Variants in XKR6 observed in about 807,000 individuals in gnomAD.
XKR6 encodes XK-related protein 6.
Under a neutral mutation model 56.7 loss-of-function variants are expected in XKR6, and 22 were observed. That is an observed-to-expected ratio of 0.39 (90% CI 0.28 to 0.55). The LOEUF is 0.55. Among genes scored for constraint, XKR6 ranks in the 20% least tolerant of loss-of-function variants. The pLI, the probability that XKR6 is intolerant of heterozygous loss-of-function variation, is 0.66. For synonymous variants in XKR6, 524 were observed against 387.8 expected (o/e 1.35, Z -4.13); for missense variants, 852 against 889.0 (o/e 0.96, Z 0.53).
chr8:11,020,964 G>A (rs1484255763), intron 1 of XKR6, among the ~76,000 whole-genome samples: 1 of 152,220 alleles, frequency 6.6e-6, no homozygotes, highest in African/African-American at 2.4e-5. Context: ...CTATCTAAGG[G>A]TGAGCTACTT....
At chr8:10,992,404 G>A (rs10107552) in intron 1 of XKR6, among the ~76,000 whole-genome samples, 1,864 of 152,216 alleles carry the variant, frequency 0.012, 34 homozygotes, top group African/African-American at 0.041. Context: ...CCAGATCTCT[G>A]TGTCTAACTG....
chr8:11,105,682 C>G (rs1222734973), intron 1 of XKR6: 1 of 152,158 alleles, frequency 6.6e-6, no homozygotes, highest in Non-Finnish European at 1.5e-5. Flanking sequence ...TAGTAAAATT[C>G]CTTCACAGTA....
chr8:11,082,838 T>C (rs1481934882), intron 1 of XKR6, among the ~76,000 whole-genome samples: 2 of 152,262 alleles, frequency 1.3e-5, no homozygotes, highest in Non-Finnish European at 2.9e-5. Flanking sequence ...GTCTCATGGT[T>C]GCAGAACTGA....
At chr8:11,054,876 G>C (rs1179027399) in intron 1 of XKR6, among the ~76,000 whole-genome samples, 2 of 152,202 alleles carry the variant, frequency 1.3e-5, no homozygotes, top group African/African-American at 2.4e-5. Flanking sequence ...TCACACTAAG[G>C]TGAGCCACCC....
chr8:11,016,193 TA>T (rs1262750693), intron 1 of XKR6, among the ~76,000 whole-genome samples: 1 of 152,126 alleles, frequency 6.6e-6, no homozygotes, highest in Non-Finnish European at 1.5e-5. Flanking sequence ...CCAGCTGGAC[TA>T]AAAGCCCCGT....
chr8:11,026,809 C>T (rs907092066), intron 1 of XKR6, among the ~76,000 whole-genome samples: 4 of 151,758 alleles, frequency 2.6e-5, no homozygotes, highest in African/African-American at 9.7e-5. Context: ...GGCTACTACA[C>T]CCTTAGATGG....
intron 1 of XKR6, among the ~76,000 whole-genome samples, chr8:11,018,016 C>T (rs911683004): frequency 3.9e-5 from 6 of 152,142 alleles, no homozygotes; most frequent in African/African-American, 1.4e-4. Context: ...GACAAAGGTG[C>T]ACAACCCCGG....
At chr8:11,104,161 G>GT (rs1344085473) in intron 1 of XKR6, among the ~76,000 whole-genome samples, 2 of 152,218 alleles carry the variant, frequency 1.3e-5, no homozygotes, top group African/African-American at 4.8e-5. Context: ...AACACTTAAT[G>GT]TAGCGTATGG....
At position 11,180,596 on chromosome 8, in the gene XKR6, T is replaced by C. The variant is rs538950021; in HGVS notation, c.764+19980A>G. Among the ~76,000 whole-genome samples the C allele has an allele frequency of 4.6e-5, 7 of 152,168 alleles. No homozygotes were observed. The East Asian group carries it at 1.2e-3, about 25-fold the overall frequency. On this transcript the variant is annotated intron_variant, in intron 1 of 2. Coordinates refer to ENST00000416569, the MANE Select transcript of XKR6 (RefSeq NM_173683.4). ...AAATAGTACAGGGCAGGAGAAGGAT[T>C]TGGTTGAAATACAAAGTTGTCATGA...
chr8:11,073,321 T>C (rs189636736), intron 1 of XKR6, among the ~76,000 whole-genome samples: 112 of 152,262 alleles, frequency 7.4e-4, no homozygotes, highest in African/African-American at 2.6e-3. Context: ...GGGTCACCTA[T>C]GTGCTAGGAA....
chr8:11,078,419 C>G (rs541752463), intron 1 of XKR6, among the ~76,000 whole-genome samples: 1 of 152,190 alleles, frequency 6.6e-6, no homozygotes, highest in Non-Finnish European at 1.5e-5. Flanking sequence ...TGGGATCCAC[C>G]AGGTACCGTC....
intron 1 of XKR6, among the ~76,000 whole-genome samples, chr8:11,160,366 C>G (rs1447431622): frequency 6.6e-6 from 1 of 151,114 alleles, no homozygotes; most frequent in Non-Finnish European, 1.5e-5. Context: ...AATGGTGAGT[C>G]TGAAGCTGAG....
chr8:10,998,918 C>T (rs1418462158), intron 1 of XKR6, among the ~76,000 whole-genome samples: 5 of 152,176 alleles, frequency 3.3e-5, no homozygotes, highest in Admixed American at 2.6e-4. Context: ...AAACAGCTGT[C>T]GACCAACTGT....
chr8:11,134,422 T>A (rs1242041719), intron 1 of XKR6, among the ~76,000 whole-genome samples: 1 of 152,146 alleles, frequency 6.6e-6, no homozygotes, highest in East Asian at 1.9e-4. Flanking sequence ...CATCATACAC[T>A]GTTGGACAAC....
At chr8:11,156,287 C>G (rs1801515846) in intron 1 of XKR6, among the ~76,000 whole-genome samples, 1 of 152,140 alleles carries the variant, frequency 6.6e-6, no homozygotes, top group Non-Finnish European at 1.5e-5. Context: ...GTTGATTTAA[C>G]TCTTCCTCAC....
intron 1 of XKR6, among the ~76,000 whole-genome samples, chr8:11,139,234 T>C (rs1475465606): frequency 6.6e-6 from 1 of 152,220 alleles, no homozygotes; most frequent in South Asian, 2.1e-4. Flanking sequence ...TACAAAACTA[T>C]AATTTTCTCT....
intron 1 of XKR6, among the ~76,000 whole-genome samples, chr8:10,927,715 A>T (rs1712689222): frequency 6.6e-6 from 1 of 152,182 alleles, no homozygotes; most frequent in Non-Finnish European, 1.5e-5. Flanking sequence ...ACACCAATTC[A>T]ACTGGGATGC....
intron 1 of XKR6, among the ~76,000 whole-genome samples, chr8:11,132,347 C>CTTTCTT (rs1011309279): frequency 2.0e-5 from 3 of 151,946 alleles, no homozygotes; most frequent in Non-Finnish European, 4.4e-5. Context: ...AACTTACTTT[C>CTTTCTT]TTTCTTTTTC....
chr8:10,925,123 C>G (rs1800842762), intron 1 of XKR6, among the ~76,000 whole-genome samples: 1 of 152,170 alleles, frequency 6.6e-6, no homozygotes, highest in Non-Finnish European at 1.5e-5. Flanking sequence ...GACTGTGGGG[C>G]CAGATGCCCT....
Sources: gnomAD v4.1 joint callset for allele counts (sites outside exome capture counted in the v4.1 genomes callset) on GRCh38, gnomAD v4.1.1 for gene constraint, MANE v1.5 for transcripts, NCBI Gene and HGNC (gene_info 2026-07-23, HGNC 2026-07-21) for gene names.